RAPGEF2: variants seen among roughly 807,000 people sequenced by gnomAD.
RAPGEF2 encodes the protein Rap guanine nucleotide exchange factor 2.
RAPGEF2 carries 54 observed loss-of-function variants against 186.7 expected under a neutral mutation model. That is an observed-to-expected ratio of 0.29 (90% CI 0.23 to 0.36). The LOEUF (loss-of-function observed/expected upper bound fraction) is 0.36, where lower values mean the gene tolerates loss of function less well. Among genes scored for constraint, RAPGEF2 ranks in the 10% least tolerant of loss-of-function variants. RAPGEF2 has a pLI of 1.00. For synonymous variants in RAPGEF2, 712 were observed against 705.9 expected (o/e 1.01, Z -0.14); for missense variants, 1,532 against 2,045.0 (o/e 0.75, Z 4.84).
chr4:159,352,659 T>C (rs1232767203), intron 26 of RAPGEF2, 26 bp from the exon 27 acceptor site: 1 of 1,554,986 alleles, frequency 6.4e-7, no homozygotes, highest in Non-Finnish European at 8.9e-7. Context: ...GAGAGTCTAA[T>C]TAATACGGTT....
chr4:159,279,194 T>TC (rs1251394584), intron 7 of RAPGEF2, among the ~76,000 whole-genome samples: 3 of 152,194 alleles, frequency 2.0e-5, no homozygotes, highest in African/African-American at 7.2e-5. Context: ...GAGTGCTGCC[T>TC]CCACATACTA....
intron 7 of RAPGEF2, among the ~76,000 whole-genome samples, chr4:159,253,162 T>G (rs1328123266): frequency 2.0e-5 from 3 of 152,184 alleles, no homozygotes; most frequent in Admixed American, 6.6e-5. Context: ...TTTAACAGCT[T>G]TCAAAAATAA....
chr4:159,295,931 A>G (rs962005992), intron 7 of RAPGEF2, among the ~76,000 whole-genome samples: 11 of 152,158 alleles, frequency 7.2e-5, no homozygotes, highest in African/African-American at 2.7e-4. Context: ...TTAAAGAAGG[A>G]TGTATTTTTC....
intron 3 of RAPGEF2, among the ~76,000 whole-genome samples, chr4:159,200,335 G>A (rs187200339): frequency 2.6e-5 from 4 of 152,152 alleles, no homozygotes; most frequent in South Asian, 2.1e-4. Flanking sequence ...GTGTGGTGGC[G>A]CACCTCTGTG....
intron 7 of RAPGEF2, chr4:159,267,119 C>T (rs1005268807): frequency 2.4e-6 from 3 of 1,236,836 alleles, no homozygotes; most frequent in Non-Finnish European, 3.1e-6. Flanking sequence ...CCACTTACAT[C>T]ACTAGAACTG....
chr4:159,218,435 T>A (rs1394263481), intron 4 of RAPGEF2, among the ~76,000 whole-genome samples: 1 of 152,240 alleles, frequency 6.6e-6, no homozygotes, highest in Non-Finnish European at 1.5e-5. Flanking sequence ...GTAAGCTTTT[T>A]AGACATTTTC....
intron 11 of RAPGEF2, chr4:159,327,709 T>C (rs1348905925): frequency 6.6e-6 from 1 of 152,078 alleles, no homozygotes. Context: ...TAGTTAAAAT[T>C]AAATGTTACC....
intron 1 of RAPGEF2, among the ~76,000 whole-genome samples, chr4:159,152,155 C>G (rs570973443): frequency 2.6e-5 from 4 of 152,210 alleles, no homozygotes; most frequent in African/African-American, 9.6e-5. Context: ...AACCTCGTCT[C>G]TACAAAAAAT....
Position 159,323,565 on chromosome 4 carries a change from T to C in RAPGEF2, c.1097T>C (p.Met366Thr), listed in dbSNP as rs1477551044. Residue 366 changes from methionine (M) to threonine (T), a missense_variant, in exon 11 of 30, where the codon ATG becomes ACG. Met to Thr is a moderately conservative substitution (Grantham distance 81). Around this residue, in one of 4 missense-constraint regions of RAPGEF2, gnomAD observed 810 missense variants for 1,210.5 expected, o/e 0.67. Transcript: ENST00000691494. Reference protein sequence around the residue: ...MGNSFGVSPTMDKEYMKGVMR... With the variant: ...MGNSFGVSPTTDKEYMKGVMR... Reference sequence around the variant, plus strand: ...AATAGTTTTGGTGTCTCTCCTACCATGGACAAAGAATACATGAAAGGAGTG... The same window carrying C: ...AATAGTTTTGGTGTCTCTCCTACCACGGACAAAGAATACATGAAAGGAGTG... 8 of 1,611,392 alleles carry C rather than the reference T, an allele frequency of 5.0e-6. No individual in the cohort carries two copies. Among genetic ancestry groups the C allele is most frequent in the Non-Finnish European group, 6.8e-6 (8 of 1,178,624 alleles).
At chr4:159,148,649 G>A (rs1743197697) in intron 1 of RAPGEF2, among the ~76,000 whole-genome samples, 1 of 151,598 alleles carries the variant, frequency 6.6e-6, no homozygotes, top group South Asian at 2.1e-4. Flanking sequence ...TGGCTTTCTT[G>A]GAAACCACTC....
At chr4:159,258,635 T>TA (rs1268027405) in intron 7 of RAPGEF2, among the ~76,000 whole-genome samples, 3 of 152,190 alleles carry the variant, frequency 2.0e-5, no homozygotes, top group African/African-American at 7.2e-5. Context: ...TTTTTAAAAA[T>TA]AAAAATGTAT....
At chr4:159,280,874 G>GT (rs1267736953) in intron 7 of RAPGEF2, among the ~76,000 whole-genome samples, 1 of 151,982 alleles carries the variant, frequency 6.6e-6, no homozygotes, top group African/African-American at 2.4e-5. Context: ...TTCCAACTAG[G>GT]TTTTTTGTGT....
intron 17 of RAPGEF2, among the ~76,000 whole-genome samples, chr4:159,334,063 C>G (rs1335503344): frequency 6.6e-6 from 1 of 152,010 alleles, no homozygotes; most frequent in Non-Finnish European, 1.5e-5. Flanking sequence ...ATAGCAGAGT[C>G]CTAAGGATAA....
chr4:159,281,312 T>C lies in RAPGEF2; in HGVS notation c.544-23030T>C, dbSNP rs563990947. ...GCCATCATTTAACTTCTTAAAGTTA[T>C]TGATTTCTCCCTTCAAAATGGAGAT... On this transcript the variant is annotated intron_variant, in intron 7 of 29. Transcript: ENST00000691494. Among the ~76,000 whole-genome samples, 6 of 152,246 alleles carry C rather than the reference T, an allele frequency of 3.9e-5. No homozygotes were observed. In the South Asian group the frequency reaches 1.0e-3, roughly 26 times the overall value.
intron 1 of RAPGEF2, among the ~76,000 whole-genome samples, chr4:159,130,983 A>T (rs1740988738): frequency 6.6e-6 from 1 of 151,234 alleles, no homozygotes; most frequent in African/African-American, 2.4e-5. Flanking sequence ...AGGCGCAGCC[A>T]CACCCAGCCA....
intron 4 of RAPGEF2, among the ~76,000 whole-genome samples, chr4:159,218,728 A>G (rs574031729): frequency 6.6e-6 from 1 of 152,252 alleles, no homozygotes; most frequent in Admixed American, 6.5e-5. Context: ...ACTGCACTCC[A>G]GCCTGGGCAA....
At chr4:159,112,612 T>C (rs1228927389) in intron 1 of RAPGEF2, among the ~76,000 whole-genome samples, 1 of 151,920 alleles carries the variant, frequency 6.6e-6, no homozygotes. Context: ...GTTGAATAAA[T>C]AAATAAAAGC....
chr4:159,112,209 G>C (rs1382873337), intron 1 of RAPGEF2, among the ~76,000 whole-genome samples: 1 of 152,190 alleles, frequency 6.6e-6, no homozygotes, highest in Non-Finnish European at 1.5e-5. Flanking sequence ...AATGTCTGAG[G>C]ATTGGGGGGT....
intron 7 of RAPGEF2, 119 bp downstream of exon 7, chr4:159,243,910 G>T: frequency 2.6e-6 from 2 of 781,466 alleles, no homozygotes; most frequent in Non-Finnish European, 3.8e-6. Flanking sequence ...TCTGTATTTT[G>T]CCCTAATTTA....
Sources: allele counts gnomAD v4.1 joint callset (sites outside exome capture counted in the v4.1 genomes callset), GRCh38; gene constraint gnomAD v4.1.1; regional missense constraint gnomAD v4.1.1; transcripts MANE v1.5; gene names NCBI Gene and HGNC (gene_info 2026-07-23, HGNC 2026-07-21).